The following NMNAT1 variants were observed in gnomAD, a reference collection of about 807,000 sequenced individuals.
The protein encoded by NMNAT1 is nicotinamide/nicotinic acid mononucleotide adenylyltransferase 1.
NMNAT1 carries 11 observed loss-of-function variants against 16.7 expected under a neutral mutation model. That is an observed-to-expected ratio of 0.66 (90% CI 0.41 to 1.09). The LOEUF is 1.09. Ranked by LOEUF, NMNAT1 falls within the 50% of genes least tolerant of loss-of-function variation. NMNAT1 has a pLI of 0.00. For missense variants in NMNAT1, 280 were observed against 332.3 expected, an observed-to-expected ratio of 0.84 and a Z score of 1.22; for synonymous variants, 110 against 119.8, an observed-to-expected ratio of 0.92 and a Z score of 0.53.
At chr1:9,987,847 A>T (rs1017146232), downstream of NMNAT1, among the ~76,000 whole-genome samples, 1 of 152,130 alleles carries the variant, frequency 6.6e-6, no homozygotes, top group East Asian at 1.9e-4. Context: ...TAGTGCAGCT[A>T]AAAGTATCAA....
intron 1 of NMNAT1, among the ~76,000 whole-genome samples, chr1:9,966,681 A>AT (rs889984768): frequency 1.3e-5 from 2 of 152,136 alleles, no homozygotes; most frequent in Non-Finnish European, 2.9e-5. Flanking sequence ...TAGCAAAGTT[A>AT]TTTTTTTAAC....
intron 3 of NMNAT1, among the ~76,000 whole-genome samples, chr1:9,978,537 A>G (rs148279570): frequency 6.6e-6 from 1 of 152,360 alleles, no homozygotes; most frequent in African/African-American, 2.4e-5. Flanking sequence ...AGTAGGAAGT[A>G]TCTCACACAG....
intron 1 of NMNAT1, chr1:9,952,509 T>A (rs1641139573): frequency 6.6e-6 from 1 of 152,044 alleles, no homozygotes; most frequent in African/African-American, 2.4e-5. Flanking sequence ...TTAGGTTTAA[T>A]CATCTCAGAA....
chr1:9,982,723 C>G lies in NMNAT1; in HGVS notation c.*22C>G. On this transcript the variant is annotated 3_prime_UTR_variant, in exon 5 of 5. Coordinates refer to ENST00000377205, the MANE Select transcript of NMNAT1 (RefSeq NM_022787.4). ...ATAGGAATTCTACAGCATGATATTTCAGACTTCCCATTTGGGGATCTGAAA... is the reference window on the plus strand; with the variant it reads ...ATAGGAATTCTACAGCATGATATTTGAGACTTCCCATTTGGGGATCTGAAA... 1 of 1,560,600 alleles carries G rather than the reference C, an allele frequency of 6.4e-7. No individual in the cohort carries two copies. The highest frequency in any genetic ancestry group is 8.7e-7 in the Non-Finnish European group (1 of 1,153,800).
At chr1:9,975,222 C>G (rs1374216462) in intron 2 of NMNAT1, among the ~76,000 whole-genome samples, 1 of 152,110 alleles carries the variant, frequency 6.6e-6, no homozygotes, top group Non-Finnish European at 1.5e-5. Flanking sequence ...CAATATTGGC[C>G]AGGTGTGGTG....
intron 1 of NMNAT1, among the ~76,000 whole-genome samples, chr1:9,955,091 C>G (rs1232294784): frequency 6.6e-6 from 1 of 151,670 alleles, no homozygotes; most frequent in Non-Finnish European, 1.5e-5. Context: ...TTGAGACCAG[C>G]CTGACCAACA....
intron 1 of NMNAT1, among the ~76,000 whole-genome samples, chr1:9,946,028 A>G (rs760897135): frequency 3.3e-5 from 5 of 152,210 alleles, no homozygotes; most frequent in Non-Finnish European, 7.3e-5. Flanking sequence ...TGCCGGAATT[A>G]CAGGCATGAG....
intron 1 of NMNAT1, among the ~76,000 whole-genome samples, 158 bp from the exon 2 acceptor site, chr1:9,971,860 C>T (rs1436224062): frequency 1.3e-5 from 2 of 151,966 alleles, no homozygotes. Context: ...TTCCCAGCTA[C>T]TTGAGAGGCT....
chr1:9,976,271 A>AGC (rs1334562244), intron 3 of NMNAT1, among the ~76,000 whole-genome samples: 2 of 144,790 alleles, frequency 1.4e-5, no homozygotes, highest in Admixed American at 1.5e-4. Context: ...TGGGTGACAG[A>AGC]GCGAGACTCC....
chr1:9,961,501 A>C (rs1009310528), intron 1 of NMNAT1, among the ~76,000 whole-genome samples: 1 of 152,016 alleles, frequency 6.6e-6, no homozygotes, highest in Non-Finnish European at 1.5e-5. Context: ...TGTCGCATTC[A>C]TCACCCCCTC....
intron 1 of NMNAT1, among the ~76,000 whole-genome samples, chr1:9,968,352 G>A (rs1641607087): frequency 6.6e-6 from 1 of 151,282 alleles, no homozygotes; most frequent in African/African-American, 2.4e-5. Flanking sequence ...GATTACAGGC[G>A]TGAGCCGCCG....
chr1:9,982,883 G>A lies in NMNAT1; in HGVS notation c.*182G>A, dbSNP rs1237760311. ...AGCACTTTGGGAGGCTGAGGCAGGT[G>A]GATCACGGGGTCAAGAGATCGAGAC... On this transcript the variant is annotated 3_prime_UTR_variant, in exon 5 of 5. Coordinates refer to ENST00000377205, the MANE Select transcript of NMNAT1 (RefSeq NM_022787.4). 11 of 549,056 alleles carry A rather than the reference G, an allele frequency of 2.0e-5. No individual in the cohort carries two copies. In the East Asian group the frequency reaches 3.4e-4, roughly 17 times the overall value. 34.0% of individuals were successfully genotyped at this position (549,056 alleles called of 1,614,324 possible). A position where few individuals can be genotyped will look rare whatever the true frequency, so the allele number is the denominator to read the frequency against.
intron 1 of NMNAT1, among the ~76,000 whole-genome samples, chr1:9,954,398 A>T (rs1641201206): frequency 6.6e-6 from 1 of 151,598 alleles, no homozygotes; most frequent in Admixed American, 6.6e-5. Context: ...TTTTGTAGAG[A>T]TGATGTCTCA....
chr1:9,994,913 AT>A, the NMNAT1 span, among the ~76,000 whole-genome samples: 1 of 151,532 alleles, frequency 6.6e-6, no homozygotes, highest in Non-Finnish European at 1.5e-5. Context: ...CGCCTGTCCA[AT>A]TTTTTGTATT....
intron 3 of NMNAT1, among the ~76,000 whole-genome samples, chr1:9,979,567 T>G (rs1291080045): frequency 1.3e-5 from 2 of 151,996 alleles, no homozygotes; most frequent in African/African-American, 4.8e-5. Context: ...TTGGGAGGCC[T>G]AGGCGGGCAG....
At chr1:9,989,262 A>G (rs1319216072), downstream of NMNAT1, among the ~76,000 whole-genome samples, 1 of 152,104 alleles carries the variant, frequency 6.6e-6, no homozygotes, top group East Asian at 1.9e-4. Context: ...GTTCAAGACC[A>G]GCCTGGCCAA....
intron 1 of NMNAT1, among the ~76,000 whole-genome samples, chr1:9,967,727 G>T (rs546809086): frequency 2.6e-5 from 4 of 152,062 alleles, no homozygotes; most frequent in Non-Finnish European, 5.9e-5. Flanking sequence ...CAGCACTTTG[G>T]AATTGGCCAA....
At chr1:9,986,564 T>G (rs1318327865), downstream of NMNAT1, among the ~76,000 whole-genome samples, 1 of 152,084 alleles carries the variant, frequency 6.6e-6, no homozygotes, top group African/African-American at 2.4e-5. Flanking sequence ...AGATCCTATC[T>G]TTAGAAAAAC....
At chr1:9,977,417 A>G (rs1457525678) in intron 3 of NMNAT1, among the ~76,000 whole-genome samples, 14 of 151,984 alleles carry the variant, frequency 9.2e-5, no homozygotes, top group Non-Finnish European at 1.2e-4. Context: ...TTAAAATGAA[A>G]GGGCTTTCTG....
Sources: gnomAD v4.1 joint callset for allele counts (sites outside exome capture counted in the v4.1 genomes callset) on GRCh38, gnomAD v4.1.1 for gene constraint, MANE v1.5 for transcripts, NCBI Gene and HGNC (gene_info 2026-07-23, HGNC 2026-07-21) for gene names.